The following FAM72A variants were observed in gnomAD, a reference collection of about 807,000 sequenced individuals.
FAM72A encodes regulator of UNG2 and MKLN1 interacting yippee protein 1, also known as protein FAM72A.
FAM72A carries 1 observed loss-of-function variant against 11.3 expected under a neutral mutation model. That is an observed-to-expected ratio of 0.09 (90% CI 0.03 to 0.42). The LOEUF is 0.42. Ranked by LOEUF, FAM72A falls within the 10% of genes least tolerant of loss-of-function variation. FAM72A has a pLI of 0.98. For missense variants in FAM72A, 15 were observed against 135.5 expected (o/e 0.11, Z 4.41); for synonymous variants, 5 against 46.9 (o/e 0.11, Z 3.65).
chr1:206,189,499 A>T (rs1261106034), intron 3 of FAM72A, among the ~76,000 whole-genome samples: 4 of 129,556 alleles, frequency 3.1e-5, no homozygotes, highest in African/African-American at 1.3e-4. Flanking sequence ...GTTCTGCTCC[A>T]GGTAAATGTC....
At position 206,192,076 on chromosome 1, in the gene FAM72A, T is replaced by C. The variant is rs868966924; in HGVS notation, c.355+3676A>G. ...TCTAACAGCATATGCTTACCTTGTG[T>C]CTGTTACATTTTGATAATTCTCTCA... On this transcript the variant is annotated intron_variant, in intron 3 of 3. Coordinates refer to ENST00000367128, the MANE Select transcript of FAM72A (RefSeq NM_001123168.3). Among the ~76,000 whole-genome samples the C allele has an allele frequency of 8.1e-3, 903 of 112,080 alleles. 15 individuals are homozygous for C. The highest frequency in any genetic ancestry group is 0.033 in the African/African-American group (873 of 26,248). The allele number at this position is 112,080 out of a possible 152,430, so 73.5% of individuals were successfully genotyped here. A position where few individuals can be genotyped will look rare whatever the true frequency, so the allele number is the denominator to read the frequency against.
At chr1:206,203,885 TG>T (rs781868726), upstream of FAM72A, 1,792 of 1,444,448 alleles carry the variant, frequency 1.2e-3, 2 homozygotes, top group Non-Finnish European at 1.5e-3. Flanking sequence ...CTGTACAGCC[TG>T]GGACTCCGTC....
At chr1:206,198,576 T>C (rs1665194384) in intron 2 of FAM72A, among the ~76,000 whole-genome samples, 1 of 150,010 alleles carries the variant, frequency 6.7e-6, no homozygotes, top group Non-Finnish European at 1.5e-5. Context: ...AAACCCCTTC[T>C]AAATACAAAC....
At chr1:206,194,320 G>A (rs1457415627) in intron 3 of FAM72A, among the ~76,000 whole-genome samples, 3 of 152,204 alleles carry the variant, frequency 2.0e-5, no homozygotes, top group Non-Finnish European at 4.4e-5. Flanking sequence ...CAAAGAAAAC[G>A]GTTTCTTGAG....
intron 3 of FAM72A, 83 bp from the exon 4 acceptor site, chr1:206,187,456 T>A: frequency 1.4e-6 from 2 of 1,421,598 alleles, no homozygotes; most frequent in East Asian, 2.3e-5. Context: ...TATATGTTAA[T>A]ATTCTTATGT....
chr1:206,203,122 G>A (rs1472850400), upstream of FAM72A: 2 of 182,164 alleles, frequency 1.1e-5, no homozygotes, highest in Non-Finnish European at 2.3e-5. Context: ...CTTCGCCCTA[G>A]TGAAAGTGGC....
At chr1:206,203,220 C>A, upstream of FAM72A, 1 of 357,676 alleles carries the variant, frequency 2.8e-6, no homozygotes, top group Non-Finnish European at 5.0e-6. Flanking sequence ...CCCCGCAACA[C>A]CCCTCCTCTC....
At chr1:206,198,341 G>C (rs1665179233) in intron 2 of FAM72A, among the ~76,000 whole-genome samples, 1 of 151,516 alleles carries the variant, frequency 6.6e-6, no homozygotes. Context: ...TCTAGCCTGG[G>C]TGACAGAGCA....
At chr1:206,201,308 A>AT (rs1365648579) in intron 1 of FAM72A, 4 of 47,326 alleles carry the variant, frequency 8.5e-5, no homozygotes, top group Non-Finnish European at 1.7e-4. Flanking sequence ...TTTATTGGAG[A>AT]TAAGGATTAA....
chr1:206,193,669 T>C (rs1571529475), intron 3 of FAM72A, among the ~76,000 whole-genome samples: 1 of 152,192 alleles, frequency 6.6e-6, no homozygotes, highest in East Asian at 1.9e-4. Flanking sequence ...CATTTACCGT[T>C]CCGAAATTTC....
intron 3 of FAM72A, among the ~76,000 whole-genome samples, chr1:206,191,723 TA>T (rs200436114): frequency 0.044 from 4,801 of 109,870 alleles, 566 homozygotes; most frequent in African/African-American, 0.18. Context: ...ACTAAAATAT[TA>T]TTTTTTTTTT....
At chr1:206,192,070 C>T (rs543804359) in intron 3 of FAM72A, among the ~76,000 whole-genome samples, 2 of 113,526 alleles carry the variant, frequency 1.8e-5, no homozygotes, top group South Asian at 3.3e-4. Flanking sequence ...ATATGCTTAC[C>T]TTGTGTCTGT....
At position 206,187,012 on chromosome 1, in the gene FAM72A, A is replaced by C; in HGVS notation, c.*267T>G. On this transcript the variant is annotated 3_prime_UTR_variant, in exon 4 of 4. Coordinates refer to ENST00000367128, the MANE Select transcript of FAM72A (RefSeq NM_001123168.3). ...GGGAGGTAACTGAGTGATATGTGAA[A>C]GAATCTTCCCCTGTCTGAATTTAAG... 4 of 370,748 alleles carry C rather than the reference A, an allele frequency of 1.1e-5. No individual in the cohort carries two copies. Among genetic ancestry groups the C allele is most frequent in the Non-Finnish European group, 1.9e-5 (4 of 207,938 alleles). 23.0% of individuals were successfully genotyped at this position (370,748 alleles called of 1,614,324 possible). A position where few individuals can be genotyped will look rare whatever the true frequency, so the allele number is the denominator to read the frequency against.
upstream of FAM72A, chr1:206,202,933 T>A (rs1553299546): frequency 6.8e-6 from 1 of 147,614 alleles, no homozygotes; most frequent in Admixed American, 6.8e-5. Flanking sequence ...AGAACTAGAG[T>A]TAGCCCCAGT....
Position 206,187,347 on chromosome 1 carries a change from A to G in FAM72A, c.382T>C (p.Leu128=). Residue 128 remains leucine (L), a synonymous_variant, in exon 4 of 4, where the codon TTG becomes CTG. Coordinates refer to ENST00000367128, the MANE Select transcript of FAM72A (RefSeq NM_001123168.3). ...TCTGTACTCTCTTCTATCTCTGGCA[A>G]GTTGCCCCAAAGTAGGACGTTTACA... The part of the protein sequence containing the change: ...TGVNVLLWGN[L]PEIEESTDED... 6.2e-7 allele frequency: 1 copy of G among 1,611,652 alleles called. No individual in the cohort carries two copies. Among genetic ancestry groups the G allele is most frequent in the Non-Finnish European group, 8.5e-7 (1 of 1,179,688 alleles).
intron 3 of FAM72A, among the ~76,000 whole-genome samples, chr1:206,191,531 G>C (rs1371831395): frequency 6.6e-6 from 1 of 150,822 alleles, no homozygotes; most frequent in East Asian, 2.0e-4. Flanking sequence ...AGAATCGCTT[G>C]AACCTGGGAG....
At position 206,195,821 on chromosome 1, in the gene FAM72A, A is replaced by C; in HGVS notation, c.286T>G (p.Cys96Gly). The C allele has an allele frequency of 6.2e-7, 1 of 1,611,802 alleles. No homozygotes were observed. Among genetic ancestry groups the C allele is most frequent in the Non-Finnish European group, 8.5e-7 (1 of 1,179,832 alleles). ...AACATCCAGAAGTGTCCGTTGTTGC[A>C]GGAAAGAAGACAGGAACTACATGGA... ...IVPCSSCLLS[C>G]NNGHFWMFHS... is the part of the protein sequence containing the mutation. The change falls in exon 3 of 4, where the codon TGC (cysteine) becomes GGC (glycine). Residue 96 changes from cysteine to glycine, a missense_variant. Cys to Gly is a radical substitution (Grantham distance 159). Coordinates refer to ENST00000367128, the MANE Select transcript of FAM72A (RefSeq NM_001123168.3).
chr1:206,199,077 CCTT>C (rs1325208934), intron 2 of FAM72A, among the ~76,000 whole-genome samples: 1 of 141,288 alleles, frequency 7.1e-6, no homozygotes, highest in East Asian at 2.1e-4. Context: ...AGCAAAAACT[CCTT>C]CTCAAAAAAA....
At chr1:206,202,961 C>CG (rs1225435635), upstream of FAM72A, 1 of 150,584 alleles carries the variant, frequency 6.6e-6, no homozygotes, top group African/African-American at 2.5e-5. Context: ...TGGAAGGCTC[C>CG]GGGGCCTCCC....
Sources: gnomAD v4.1 joint callset for allele counts (sites outside exome capture counted in the v4.1 genomes callset) on GRCh38, gnomAD v4.1.1 for gene constraint, MANE v1.5 for transcripts, NCBI Gene and HGNC (gene_info 2026-07-23, HGNC 2026-07-21) for gene names.